The following KIAA1328 variants were observed in gnomAD, a reference collection of about 807,000 sequenced individuals.
KIAA1328 encodes the protein protein hinderin.
KIAA1328 carries 52 observed loss-of-function variants against 68.1 expected under a neutral mutation model. The observed-to-expected ratio is 0.76, with a 90% CI of 0.61 to 0.96. The LOEUF is 0.96. Among genes scored for constraint, KIAA1328 ranks in the 40% least tolerant of loss-of-function variants. The probability of loss-of-function intolerance (pLI) is 0.00; values close to 1 mark genes in which losing one functional copy is unlikely to be tolerated. For missense variants in KIAA1328, 641 were observed against 677.6 expected (o/e 0.95, Z 0.60); for synonymous variants, 232 against 239.4 (o/e 0.97, Z 0.28).
intron 4 of KIAA1328, among the ~76,000 whole-genome samples, chr18:36,859,464 AT>A (rs1456948194): frequency 3.9e-5 from 6 of 152,010 alleles, no homozygotes; most frequent in East Asian, 1.9e-4. Flanking sequence ...CTTAAAAAAA[AT>A]GATCAGTTCC....
At chr18:36,981,944 G>A (rs534283332) in intron 6 of KIAA1328, among the ~76,000 whole-genome samples, 1 of 151,296 alleles carries the variant, frequency 6.6e-6, no homozygotes, top group Non-Finnish European at 1.5e-5. Context: ...AAAATACACT[G>A]GATCGGATTA....
At chr18:37,089,036 T>A (rs531885022) in intron 7 of KIAA1328, among the ~76,000 whole-genome samples, 2 of 152,126 alleles carry the variant, frequency 1.3e-5, no homozygotes, top group Non-Finnish European at 2.9e-5. Flanking sequence ...GAACACTTTT[T>A]TCTCATTTAA....
intron 9 of KIAA1328, among the ~76,000 whole-genome samples, chr18:37,200,904 C>T (rs1472416524): frequency 6.6e-6 from 1 of 151,950 alleles, no homozygotes; most frequent in African/African-American, 2.4e-5. Flanking sequence ...CCCACAGTTC[C>T]CCCTTTTGAT....
intron 6 of KIAA1328, among the ~76,000 whole-genome samples, chr18:37,052,151 C>T (rs2055722826): frequency 6.6e-6 from 1 of 151,886 alleles, no homozygotes; most frequent in Non-Finnish European, 1.5e-5. Context: ...TAATTTATCA[C>T]AATCAAGTGG....
At chr18:37,084,186 C>T (rs2057031151) in intron 7 of KIAA1328, 1 of 1,526,648 alleles carries the variant, frequency 6.6e-7, no homozygotes, top group South Asian at 1.2e-5. Context: ...GCTTACTAAA[C>T]CCCAAGAACT....
At chr18:36,873,191 A>T (rs2048005076) in intron 4 of KIAA1328, among the ~76,000 whole-genome samples, 1 of 152,114 alleles carries the variant, frequency 6.6e-6, no homozygotes, top group Non-Finnish European at 1.5e-5. Flanking sequence ...TTCTTCTCCC[A>T]GTTTACTATA....
At chr18:37,032,515 A>G (rs2054870877) in intron 6 of KIAA1328, among the ~76,000 whole-genome samples, 2 of 151,054 alleles carry the variant, frequency 1.3e-5, no homozygotes, top group African/African-American at 2.4e-5. Flanking sequence ...AACTTTTTTC[A>G]TCTTTCGTAT....
chr18:37,224,344 C>T lies in KIAA1328; in HGVS notation c.*2117C>T. The T allele has an allele frequency of 2.0e-6, 2 of 985,362 alleles. No homozygotes were observed. The highest frequency in any genetic ancestry group is 9.4e-5 in the South Asian group (2 of 21,290). The allele number at this position is 985,362 out of a possible 1,614,324, so 61.0% of individuals were successfully genotyped here. On this transcript the variant is annotated 3_prime_UTR_variant, in exon 10 of 10. Coordinates refer to ENST00000280020, the MANE Select transcript of KIAA1328 (RefSeq NM_020776.3). Reference sequence around the variant, plus strand: ...CTAAAGGCTTTTTGGGGGTCACAGCCACAGAGTGGAGTTTTATTGCTTCTT... The same window carrying T: ...CTAAAGGCTTTTTGGGGGTCACAGCTACAGAGTGGAGTTTTATTGCTTCTT...
At chr18:36,935,825 G>C (rs974217739) in intron 5 of KIAA1328, among the ~76,000 whole-genome samples, 1 of 152,096 alleles carries the variant, frequency 6.6e-6, no homozygotes, top group African/African-American at 2.4e-5. Flanking sequence ...TTTGATCAAA[G>C]AATTCCTAGG....
chr18:37,031,024 A>G (rs1337086499), intron 6 of KIAA1328, among the ~76,000 whole-genome samples: 1 of 152,116 alleles, frequency 6.6e-6, no homozygotes, highest in Non-Finnish European at 1.5e-5. Context: ...ATCATTTTTT[A>G]TGGCTGCATA....
intron 7 of KIAA1328, among the ~76,000 whole-genome samples, chr18:37,117,224 C>T (rs931959900): frequency 2.0e-5 from 3 of 152,132 alleles, no homozygotes; most frequent in African/African-American, 7.2e-5. Flanking sequence ...TTCACAATAG[C>T]AAAGACTTGG....
chr18:37,026,724 G>GA (rs981547174), intron 6 of KIAA1328, among the ~76,000 whole-genome samples: 2 of 151,990 alleles, frequency 1.3e-5, no homozygotes, highest in African/African-American at 2.4e-5. Flanking sequence ...GGATGTATCT[G>GA]AAAATCATAA....
At chr18:36,944,235 A>G (rs930430799) in intron 5 of KIAA1328, among the ~76,000 whole-genome samples, 1 of 152,156 alleles carries the variant, frequency 6.6e-6, no homozygotes, top group African/African-American at 2.4e-5. Flanking sequence ...AAGAAGTAGA[A>G]ATTTGGGGAT....
intron 5 of KIAA1328, among the ~76,000 whole-genome samples, chr18:36,932,347 G>A (rs1206954732): frequency 1.3e-5 from 2 of 152,108 alleles, no homozygotes; most frequent in African/African-American, 4.8e-5. Flanking sequence ...AGCCCCACAA[G>A]TTGCTGGGAC....
At chr18:36,998,370 C>A (rs1377609286) in intron 6 of KIAA1328, among the ~76,000 whole-genome samples, 1 of 152,208 alleles carries the variant, frequency 6.6e-6, no homozygotes. Flanking sequence ...TCAGGAACCA[C>A]AGAATTGTCT....
At chr18:36,916,673 A>G (rs2049714088) in intron 5 of KIAA1328, among the ~76,000 whole-genome samples, 2 of 152,196 alleles carry the variant, frequency 1.3e-5, no homozygotes, top group South Asian at 4.1e-4. Flanking sequence ...AGCTATTATC[A>G]TCTCCATCGT....
chr18:36,836,474 A>G (rs1377772647), intron 3 of KIAA1328, among the ~76,000 whole-genome samples: 1 of 152,080 alleles, frequency 6.6e-6, no homozygotes, highest in Non-Finnish European at 1.5e-5. Context: ...ATATTTTCCC[A>G]CATTACCTAT....
chr18:37,033,477 A>T (rs761331498), intron 6 of KIAA1328, among the ~76,000 whole-genome samples: 3 of 152,184 alleles, frequency 2.0e-5, no homozygotes. Context: ...TCTTTTCTCT[A>T]ACAACTGCTT....
downstream of KIAA1328, among the ~76,000 whole-genome samples, chr18:37,227,956 C>T (rs2060648018): frequency 6.6e-6 from 1 of 152,066 alleles, no homozygotes; most frequent in African/African-American, 2.4e-5. Flanking sequence ...ATTTGTGATT[C>T]ATGGGAGAAG....
Sources: allele counts gnomAD v4.1 joint callset (sites outside exome capture counted in the v4.1 genomes callset), GRCh38; gene constraint gnomAD v4.1.1; transcripts MANE v1.5; gene names NCBI Gene and HGNC (gene_info 2026-07-23, HGNC 2026-07-21).